The following JMY variants were observed in gnomAD, a reference collection of about 807,000 sequenced individuals.
The protein encoded by JMY is junction mediating and regulatory protein, p53 cofactor, also known as junction-mediating and -regulatory protein.
JMY carries 46 observed loss-of-function variants against 103.3 expected under a neutral mutation model. The observed-to-expected ratio is 0.45, with a 90% CI of 0.35 to 0.57. The LOEUF is 0.57. JMY is among the 20% of genes least tolerant of loss of function. The pLI is 0.00. For missense variants in JMY, 1,238 were observed against 1,255.2 expected (o/e 0.99, Z 0.21); for synonymous variants, 526 against 489.3 (o/e 1.07, Z -0.99).
rs1367799419 is a variant in JMY at position 79,270,395 on chromosome 5, T to C, written c.1033-7515T>C. On this transcript the variant is annotated intron_variant, in intron 1 of 10. Transcript: ENST00000396137. Reference sequence around the variant, plus strand: ...TTTACATAAATATTTACATAAAATATATATTTACATAAATATTTAAAATAT... The same window carrying C: ...TTTACATAAATATTTACATAAAATACATATTTACATAAATATTTAAAATAT... Among the ~76,000 whole-genome samples, 2 of 124,310 alleles carry C rather than the reference T, an allele frequency of 1.6e-5. 1 individual carries two copies. The highest frequency in any genetic ancestry group is 3.2e-5 in the Non-Finnish European group (2 of 61,890). The allele number at this position is 124,310 out of a possible 152,430, so 81.6% of individuals were successfully genotyped here. A position where few individuals can be genotyped will look rare whatever the true frequency, so the allele number is the denominator to read the frequency against.
intron 3 of JMY, among the ~76,000 whole-genome samples, chr5:79,290,565 A>C (rs1746388618): frequency 6.6e-6 from 1 of 152,220 alleles, no homozygotes; most frequent in Non-Finnish European, 1.5e-5. Flanking sequence ...TTTGAAAGTT[A>C]ATAACACCGG....
intron 10 of JMY, among the ~76,000 whole-genome samples, chr5:79,318,761 T>TATATAGAGAGAGAGAG (rs1218912301): frequency 5.6e-5 from 3 of 53,608 alleles, no homozygotes; most frequent in African/African-American, 5.0e-4. Flanking sequence ...TATATATATA[T>TATATAGAGAGAGAGAG]AGAGAGAGAG....
At chr5:79,244,361 T>TA (rs1012894198) in intron 1 of JMY, among the ~76,000 whole-genome samples, 6 of 152,218 alleles carry the variant, frequency 3.9e-5, no homozygotes, top group African/African-American at 1.4e-4. Context: ...GAGGTTAACT[T>TA]AGACAACACT....
chr5:79,315,145 A>G (rs1166644011), intron 9 of JMY, among the ~76,000 whole-genome samples: 1 of 152,074 alleles, frequency 6.6e-6, no homozygotes, highest in Non-Finnish European at 1.5e-5. Flanking sequence ...TTTGATTTTA[A>G]ACCTGAGATT....
chr5:79,309,948 G>A (rs1746996525), intron 7 of JMY, among the ~76,000 whole-genome samples: 2 of 151,680 alleles, frequency 1.3e-5, no homozygotes, highest in South Asian at 4.2e-4. Context: ...TTGGTGGAGG[G>A]GAAGAACTAA....
At chr5:79,278,170 T>TAAAA (rs56785564) in intron 2 of JMY, 87 bp downstream of exon 2, 4 of 652,450 alleles carry the variant, frequency 6.1e-6, no homozygotes, top group South Asian at 3.5e-5. Context: ...AGAGGAACTT[T>TAAAA]AAAAAAAAAA....
intron 10 of JMY, among the ~76,000 whole-genome samples, chr5:79,317,050 A>C (rs1261228739): frequency 1.4e-5 from 2 of 145,174 alleles, no homozygotes; most frequent in African/African-American, 5.0e-5. Flanking sequence ...TGTAAAAAGA[A>C]ATCAATACGT....
rs186888493 is a variant in JMY at position 79,287,768 on chromosome 5, A to G, written c.1207-2353A>G. On this transcript the variant is annotated intron_variant, in intron 2 of 10. Coordinates refer to ENST00000396137, the MANE Select transcript of JMY (RefSeq NM_152405.5). ...TTTGAATATATTAAGGTAGCAAACT[A>G]TGTTATCTTCACATAATTGTCAAAG... Among the ~76,000 whole-genome samples, 25 of 152,338 alleles carry G rather than the reference A, an allele frequency of 1.6e-4. No homozygotes were observed. The East Asian group carries it at 3.1e-3, about 19-fold the overall frequency.
chr5:79,239,960 TTAAG>T (rs1379575204), intron 1 of JMY, among the ~76,000 whole-genome samples: 1 of 152,054 alleles, frequency 6.6e-6, no homozygotes, highest in African/African-American at 2.4e-5. Context: ...GTGTTCCTAA[TTAAG>T]GTTCTCTTGA....
intron 1 of JMY, among the ~76,000 whole-genome samples, chr5:79,264,231 G>T (rs917920229): frequency 6.6e-6 from 1 of 150,916 alleles, no homozygotes; most frequent in African/African-American, 2.4e-5. Context: ...GACTACAGCT[G>T]TGTGCCACCA....
chr5:79,309,976 ATGAG>A (rs1746997130), intron 7 of JMY, among the ~76,000 whole-genome samples: 3 of 151,926 alleles, frequency 2.0e-5, no homozygotes, highest in Admixed American at 1.3e-4. Flanking sequence ...TTTAGAATGA[ATGAG>A]TATCAGATCT....
chr5:79,322,430 A>G lies in JMY; in HGVS notation c.*828A>G, dbSNP rs1580380512. 6.6e-6 allele frequency: 1 copy of G among 152,218 alleles called. No individual in the cohort carries two copies. The highest frequency in any genetic ancestry group is 1.9e-4 in the East Asian group (1 of 5,196). The allele number at this position is 152,218 out of a possible 1,614,324, so 9.4% of individuals were successfully genotyped here. On this transcript the variant is annotated 3_prime_UTR_variant, in exon 11 of 11. Coordinates refer to ENST00000396137, the MANE Select transcript of JMY (RefSeq NM_152405.5). ...TTGTTTGAATTATTGCTTGATTGCTATGACTGACATGACTTTCCTATTGAG... is the reference window on the plus strand; with the variant it reads ...TTGTTTGAATTATTGCTTGATTGCTGTGACTGACATGACTTTCCTATTGAG...
At chr5:79,270,905 C>G (rs1326529852) in intron 1 of JMY, among the ~76,000 whole-genome samples, 1 of 151,524 alleles carries the variant, frequency 6.6e-6, no homozygotes, top group Non-Finnish European at 1.5e-5. Flanking sequence ...TCTTGTTTAG[C>G]CTGTTTTTGT....
Position 79,237,629 on chromosome 5 carries a change from C to A in JMY, c.979C>A (p.Arg327=), listed in dbSNP as rs780394632. Residue 327 remains arginine, a synonymous_variant, in exon 1 of 11, where the codon CGG becomes AGG. Coordinates refer to ENST00000396137, the MANE Select transcript of JMY (RefSeq NM_152405.5). ...EEYYESLSEL[R]QKGYEEVLQR... Reference sequence around the variant, plus strand: ...GTATTACGAAAGCCTCAGCGAGCTGCGGCAGAAGGGCTACGAAGAAGTGCT... The same window carrying A: ...GTATTACGAAAGCCTCAGCGAGCTGAGGCAGAAGGGCTACGAAGAAGTGCT... 6.2e-7 allele frequency: 1 copy of A among 1,613,696 alleles called. No homozygotes were observed. Among genetic ancestry groups the A allele is most frequent in the Non-Finnish European group, 8.5e-7 (1 of 1,179,990 alleles).
At chr5:79,249,415 C>T (rs755515242) in intron 1 of JMY, among the ~76,000 whole-genome samples, 10 of 152,198 alleles carry the variant, frequency 6.6e-5, no homozygotes, top group South Asian at 4.1e-4. Flanking sequence ...TATGCCAGCT[C>T]ATAGTGAAGC....
At chr5:79,261,658 C>T (rs903615972) in intron 1 of JMY, among the ~76,000 whole-genome samples, 4 of 152,170 alleles carry the variant, frequency 2.6e-5, no homozygotes, top group Admixed American at 2.0e-4. Flanking sequence ...AGTAACCTGC[C>T]CTTTCCCCTT....
At chr5:79,293,816 G>A (rs547173258) in intron 4 of JMY, among the ~76,000 whole-genome samples, 5 of 152,078 alleles carry the variant, frequency 3.3e-5, no homozygotes, top group Admixed American at 6.6e-5. Flanking sequence ...TTAACTAGTT[G>A]TAGCTACTTT....
At chr5:79,282,449 A>C (rs1746146049) in intron 2 of JMY, among the ~76,000 whole-genome samples, 1 of 152,206 alleles carries the variant, frequency 6.6e-6, no homozygotes, top group Admixed American at 6.5e-5. Flanking sequence ...ATATCTCAAT[A>C]AACGTGATTT....
At chr5:79,321,507 T>TA (rs1029994229) in intron 10 of JMY, 99 bp from the exon 11 acceptor site, 1 of 152,222 alleles carries the variant, frequency 6.6e-6, no homozygotes, top group South Asian at 2.1e-4. Flanking sequence ...TGGCCTTTTG[T>TA]AAAAAATGTC....
Sources: allele counts gnomAD v4.1 joint callset (sites outside exome capture counted in the v4.1 genomes callset), GRCh38; gene constraint gnomAD v4.1.1; transcripts MANE v1.5; gene names NCBI Gene and HGNC (gene_info 2026-07-23, HGNC 2026-07-21).